The following RGS6 variants were observed in gnomAD, a reference collection of about 807,000 sequenced individuals.
RGS6 encodes the protein regulator of G-protein signaling 6.
In RGS6, 30 loss-of-function variants were observed where a neutral mutation model predicts 78.5. The observed-to-expected ratio is 0.38, with a 90% CI of 0.29 to 0.52. The LOEUF (loss-of-function observed/expected upper bound fraction) is 0.52, where lower values mean the gene tolerates loss of function less well. Ranked by LOEUF, RGS6 falls within the 20% of genes least tolerant of loss-of-function variation. The pLI is 0.85. For synonymous variants in RGS6, 206 were observed against 206.0 expected, an observed-to-expected ratio of 1.00 and a Z score of 0.00; for missense variants, 495 against 609.7, an observed-to-expected ratio of 0.81 and a Z score of 1.98.
At chr14:71,921,527 C>A in the RGS6 span, among the ~76,000 whole-genome samples, 1 of 152,238 alleles carries the variant, frequency 6.6e-6, no homozygotes, top group Non-Finnish European at 1.5e-5. Flanking sequence ...CCAGCCCTAA[C>A]AAAGGAGATC....
intron 17 of RGS6, among the ~76,000 whole-genome samples, chr14:72,553,653 T>C (rs75718076): frequency 5.4e-4 from 82 of 152,300 alleles, no homozygotes; most frequent in African/African-American, 1.9e-3. Flanking sequence ...GATAACATCC[T>C]TAGATATTGA....
intron 3 of RGS6, among the ~76,000 whole-genome samples, chr14:72,408,502 T>G (rs1325578514): frequency 6.6e-6 from 1 of 152,204 alleles, no homozygotes; most frequent in African/African-American, 2.4e-5. Flanking sequence ...GCAAGACACA[T>G]CTGACTGTCA....
chr14:72,237,388 G>A lies in RGS6; in HGVS notation c.85-114707G>A, dbSNP rs118053874. Among the ~76,000 whole-genome samples the A allele has an allele frequency of 3.9e-3, 588 of 151,800 alleles. 10 individuals carry two copies. Among genetic ancestry groups the A allele is most frequent in the Non-Finnish European group, 5.2e-3 (350 of 67,880 alleles). On this transcript the variant is annotated intron_variant, in intron 2 of 17. Coordinates refer to ENST00000553525, the MANE Select transcript of RGS6 (RefSeq NM_001204424.2). Reference sequence around the variant, plus strand: ...TCCTGGAATATGTAGTCTTAGCACAGAGTCTACACACAGTAGGTACTCAAT... The same window carrying A: ...TCCTGGAATATGTAGTCTTAGCACAAAGTCTACACACAGTAGGTACTCAAT...
rs545842680 is a variant in RGS6 at position 71,938,148 on chromosome 14, C to T, written c.-21+5207C>T. On this transcript the variant is annotated intron_variant, in intron 1 of 17. Coordinates refer to ENST00000553525, the MANE Select transcript of RGS6 (RefSeq NM_001204424.2). ...AAACTCCTCCTCTGCTGAGGTCACC[C>T]GTTGGTGAGCACTTACATGGGATAC... Among the ~76,000 whole-genome samples, 17 of 152,296 alleles carry T rather than the reference C, an allele frequency of 1.1e-4. No homozygotes were observed. In the South Asian group the frequency reaches 2.7e-3, roughly 24 times the overall value.
chr14:72,435,631 T>C lies in RGS6; in HGVS notation c.185-18897T>C, dbSNP rs556039432. Among the ~76,000 whole-genome samples the C allele has an allele frequency of 2.6e-5, 4 of 152,298 alleles. No homozygotes were observed. In the South Asian group the frequency reaches 6.2e-4, roughly 24 times the overall value. On this transcript the variant is annotated intron_variant, in intron 3 of 17. Transcript: ENST00000553525. ...AGAGGTGTATTCCTCCTGGAAGTTA[T>C]TGCTTTTTCTAGCTTCTCGAGGTCG...
At chr14:71,892,061 T>A in the RGS6 span, among the ~76,000 whole-genome samples, 683 of 152,336 alleles carry the variant, frequency 4.5e-3, 8 homozygotes, top group African/African-American at 0.015. Context: ...TCATTACACA[T>A]GAATCTCATT....
intron 2 of RGS6, among the ~76,000 whole-genome samples, chr14:72,229,408 G>A (rs531375762): frequency 3.5e-4 from 53 of 152,104 alleles, no homozygotes; most frequent in African/African-American, 1.2e-3. Flanking sequence ...CTGGATGCCT[G>A]GTGTCCATCC....
chr14:72,349,280 GTC>G (rs2078671466), intron 2 of RGS6, among the ~76,000 whole-genome samples: 1 of 152,228 alleles, frequency 6.6e-6, no homozygotes, highest in South Asian at 2.1e-4. Context: ...TGCTCCAGAT[GTC>G]TCTCATCTTC....
intron 2 of RGS6, among the ~76,000 whole-genome samples, chr14:72,346,781 T>C (rs111362582): frequency 0.01 from 1,576 of 152,348 alleles, 11 homozygotes; most frequent in South Asian, 0.021. Context: ...TTCTCCCCCA[T>C]GTTCTTCCTA....
chr14:72,017,346 C>T (rs1414909786), intron 2 of RGS6, among the ~76,000 whole-genome samples: 1 of 152,190 alleles, frequency 6.6e-6, no homozygotes, highest in Non-Finnish European at 1.5e-5. Flanking sequence ...GATACTCATA[C>T]ATTATGCAGA....
intron 2 of RGS6, among the ~76,000 whole-genome samples, chr14:72,326,075 A>G (rs1236544909): frequency 1.3e-5 from 2 of 152,204 alleles, no homozygotes; most frequent in Admixed American, 6.5e-5. Context: ...AATTGTGTGT[A>G]CTTGCACTTG....
rs1000396479 is a variant in RGS6 at position 72,040,713 on chromosome 14, A to G, written c.84+75838A>G. The stretch of plus-strand genomic sequence containing the variant: ...CTCCTTTCTCTCACTGTTCTTTCTC[A>G]GGGACTCTCATAATGTGTATATTGA... On this transcript the variant is annotated intron_variant, in intron 2 of 17. Coordinates refer to ENST00000553525, the MANE Select transcript of RGS6 (RefSeq NM_001204424.2). Among the ~76,000 whole-genome samples, 5 of 152,026 alleles carry G rather than the reference A, an allele frequency of 3.3e-5. No homozygotes were observed. In the East Asian group the frequency reaches 9.6e-4, roughly 29 times the overall value.
At chr14:71,983,522 C>T (rs532511865) in intron 2 of RGS6, among the ~76,000 whole-genome samples, 7 of 152,322 alleles carry the variant, frequency 4.6e-5, no homozygotes, top group South Asian at 4.1e-4. Flanking sequence ...GGCAGGGCTA[C>T]GCTCCATTTG....
chr14:71,961,724 T>C (rs1366728844), intron 1 of RGS6, among the ~76,000 whole-genome samples: 4 of 152,232 alleles, frequency 2.6e-5, no homozygotes, highest in Admixed American at 6.5e-5. Flanking sequence ...TTTCTTTCTT[T>C]TGGTATGCAG....
At chr14:72,427,192 G>GTC (rs2094463094) in intron 3 of RGS6, among the ~76,000 whole-genome samples, 1 of 152,182 alleles carries the variant, frequency 6.6e-6, no homozygotes, top group South Asian at 2.1e-4. Context: ...AGCACAATAA[G>GTC]ATATTGTAAG....
intron 2 of RGS6, among the ~76,000 whole-genome samples, chr14:72,334,333 T>C (rs564547385): frequency 1.3e-5 from 2 of 152,226 alleles, no homozygotes; most frequent in South Asian, 2.1e-4. Context: ...GAAAGAGCCT[T>C]CCTATATGTC....
At chr14:72,024,735 T>C (rs778369573) in intron 2 of RGS6, among the ~76,000 whole-genome samples, 1 of 152,076 alleles carries the variant, frequency 6.6e-6, no homozygotes, top group Admixed American at 6.6e-5. Context: ...GATAAGTGAG[T>C]TGGCAGAGAG....
chr14:72,000,846 A>T (rs1566991788), intron 2 of RGS6, among the ~76,000 whole-genome samples: 1 of 152,148 alleles, frequency 6.6e-6, no homozygotes, highest in Non-Finnish European at 1.5e-5. Context: ...TCTTCTCTTG[A>T]GGAGTTTCAT....
chr14:72,452,101 C>T (rs1255015051), intron 3 of RGS6, among the ~76,000 whole-genome samples: 4 of 152,132 alleles, frequency 2.6e-5, no homozygotes, highest in Non-Finnish European at 5.9e-5. Flanking sequence ...TCTCCCACCC[C>T]CAGCTTGGGA....
Sources: gnomAD v4.1 joint callset for allele counts (sites outside exome capture counted in the v4.1 genomes callset) on GRCh38, gnomAD v4.1.1 for gene constraint, MANE v1.5 for transcripts, NCBI Gene and HGNC (gene_info 2026-07-23, HGNC 2026-07-21) for gene names.